Variants in NYAP2 observed in about 807,000 individuals in gnomAD.
NYAP2 encodes the protein neuronal tyrosine-phosphorylated phosphoinositide-3-kinase adapter 2.
In NYAP2, 23 loss-of-function variants were observed where a neutral mutation model predicts 50.4. The ratio of observed to expected loss-of-function variants is 0.46; its 90% CI spans 0.33 to 0.65. The LOEUF (loss-of-function observed/expected upper bound fraction) is 0.65, where lower values mean the gene tolerates loss of function less well. NYAP2 is among the 30% of genes least tolerant of loss of function. The pLI is 0.02. For missense variants in NYAP2, 885 were observed against 861.0 expected (o/e 1.03, Z -0.35); for synonymous variants, 394 against 365.2 (o/e 1.08, Z -0.90).
intron 4 of NYAP2, among the ~76,000 whole-genome samples, chr2:225,523,714 TA>T (rs1049506514): frequency 1.3e-5 from 2 of 151,980 alleles, no homozygotes; most frequent in African/African-American, 2.4e-5. Context: ...AAACCAATCC[TA>T]AAATTCACAT....
intron 3 of NYAP2, among the ~76,000 whole-genome samples, chr2:225,489,001 C>G (rs939432650): frequency 2.0e-5 from 3 of 152,148 alleles, no homozygotes; most frequent in Non-Finnish European, 2.9e-5. Flanking sequence ...AGAATCCAGG[C>G]AGAAGAACTG....
At position 225,469,824 on chromosome 2, in the gene NYAP2, G is replaced by A. The variant is rs191979486; in HGVS notation, c.222-43547G>A. On this transcript the variant is annotated intron_variant, in intron 3 of 6. Transcript: ENST00000636099. ...ATGAGAACACATGGACACAGGGAGG[G>A]GAACATCACACACTGTGACCTGTCG... 1.1e-3 allele frequency among the ~76,000 whole-genome samples: 172 copies of A among 152,238 alleles called. No homozygotes were observed. The South Asian group carries it at 0.012, about 10-fold the overall frequency.
chr2:225,664,241 C>T, the NYAP2 span, among the ~76,000 whole-genome samples: 1 of 152,132 alleles, frequency 6.6e-6, no homozygotes, highest in South Asian at 2.1e-4. Flanking sequence ...TATATCCAAC[C>T]ATGGAATGCT....
At chr2:225,490,440 A>G (rs1690384464) in intron 3 of NYAP2, among the ~76,000 whole-genome samples, 1 of 152,236 alleles carries the variant, frequency 6.6e-6, no homozygotes. Context: ...TATAAAATGC[A>G]TTTTGTAAGT....
intron 3 of NYAP2, among the ~76,000 whole-genome samples, chr2:225,419,665 C>T (rs541848063): frequency 5.3e-5 from 8 of 152,266 alleles, no homozygotes; most frequent in Admixed American, 4.6e-4. Context: ...GGGTAGTCAA[C>T]ATATTATAGA....
chr2:225,671,067 T>G, the NYAP2 span, among the ~76,000 whole-genome samples: 1 of 152,194 alleles, frequency 6.6e-6, no homozygotes, highest in African/African-American at 2.4e-5. Context: ...TTGCTGAAGG[T>G]TGGGGTGGCT....
chr2:225,470,825 G>A (rs75112528), intron 3 of NYAP2, among the ~76,000 whole-genome samples: 5,398 of 151,798 alleles, frequency 0.036, 161 homozygotes, highest in South Asian at 0.093. Context: ...GTGTGTGTGT[G>A]TATATATATT....
intron 4 of NYAP2, among the ~76,000 whole-genome samples, chr2:225,524,726 C>G (rs1418003553): frequency 6.6e-6 from 1 of 152,068 alleles, no homozygotes; most frequent in Non-Finnish European, 1.5e-5. Flanking sequence ...GCAAACACAA[C>G]AAAAACAAAA....
At chr2:225,473,181 G>C (rs998392846) in intron 3 of NYAP2, among the ~76,000 whole-genome samples, 6 of 152,138 alleles carry the variant, frequency 3.9e-5, no homozygotes, top group African/African-American at 1.4e-4. Context: ...GTGTATATGT[G>C]CCACATTTTC....
chr2:225,646,606 G>T (rs1230749186), intron 6 of NYAP2, among the ~76,000 whole-genome samples: 1 of 152,176 alleles, frequency 6.6e-6, no homozygotes, highest in Non-Finnish European at 1.5e-5. Context: ...TGGACTGTAT[G>T]TGTGTGTGTC....
At chr2:225,641,392 A>C (rs1208784646) in intron 6 of NYAP2, among the ~76,000 whole-genome samples, 1 of 149,542 alleles carries the variant, frequency 6.7e-6, no homozygotes, top group Admixed American at 6.7e-5. Flanking sequence ...ATTGTCATCT[A>C]CTGTCCAACA....
intron 4 of NYAP2, among the ~76,000 whole-genome samples, chr2:225,527,594 C>A (rs985671904): frequency 2.0e-5 from 3 of 152,050 alleles, no homozygotes; most frequent in Non-Finnish European, 4.4e-5. Flanking sequence ...AAGCCTGGAC[C>A]CTCTTTTAAA....
intron 3 of NYAP2, among the ~76,000 whole-genome samples, chr2:225,487,995 C>T (rs543211107): frequency 1.3e-5 from 2 of 152,284 alleles, no homozygotes; most frequent in Non-Finnish European, 2.9e-5. Context: ...GGAAGGGGCC[C>T]ATCTGGGACT....
intron 3 of NYAP2, among the ~76,000 whole-genome samples, chr2:225,427,227 C>T (rs1268858656): frequency 6.6e-6 from 1 of 152,122 alleles, no homozygotes; most frequent in Admixed American, 6.5e-5. Context: ...TTCAATCTTA[C>T]CTCAAATAGT....
intron 3 of NYAP2, among the ~76,000 whole-genome samples, chr2:225,478,957 T>G (rs1174586807): frequency 6.6e-6 from 1 of 152,146 alleles, no homozygotes; most frequent in Non-Finnish European, 1.5e-5. Context: ...ACCTGTGAAT[T>G]TAAGATGCTG....
rs575550213 is a variant in NYAP2, at chr2:225,641,280, A to G, written c.1829-10152A>G. On this transcript the variant is annotated intron_variant, in intron 6 of 6. Transcript: ENST00000636099. Reference sequence around the variant, plus strand: ...GTTTCTGCGAAAAGCCACAAAAGACATTATAAAATAGAAGACTCTGTCTGA... The same window carrying G: ...GTTTCTGCGAAAAGCCACAAAAGACGTTATAAAATAGAAGACTCTGTCTGA... 2.2e-4 allele frequency among the ~76,000 whole-genome samples: 34 copies of G among 152,226 alleles called. 1 individual carries two copies. The South Asian group carries it at 7.0e-3, about 32-fold the overall frequency.
At chr2:225,583,816 A>G (rs1574693160) in intron 5 of NYAP2, among the ~76,000 whole-genome samples, 1 of 152,194 alleles carries the variant, frequency 6.6e-6, no homozygotes, top group East Asian at 1.9e-4. Context: ...CGAGGCGGTC[A>G]GATCACGAGG....
At chr2:225,408,914 G>A (rs1189904177) in exon 3 of NYAP2, 2 of 1,610,902 alleles carry the variant, frequency 1.2e-6, no homozygotes, top group Admixed American at 3.3e-5. Context: ...TTCTAATCCT[G>A]AGGAAGACCC....
At chr2:225,556,962 A>C (rs1333785160) in intron 4 of NYAP2, among the ~76,000 whole-genome samples, 2 of 152,120 alleles carry the variant, frequency 1.3e-5, no homozygotes, top group East Asian at 3.9e-4. Context: ...GTTTACTTCA[A>C]ATGTCTCTCT....
Sources: gnomAD v4.1 joint callset for allele counts (sites outside exome capture counted in the v4.1 genomes callset) on GRCh38, gnomAD v4.1.1 for gene constraint, MANE v1.5 for transcripts, NCBI Gene and HGNC (gene_info 2026-07-23, HGNC 2026-07-21) for gene names.